MTSS2: variants seen among roughly 807,000 people sequenced by gnomAD.
MTSS2 encodes the protein MTSS I-BAR domain containing 2.
A neutral mutation model predicts 67.1 loss-of-function variants in MTSS2; 27 were observed. That is an observed-to-expected ratio of 0.40 (90% confidence interval 0.30 to 0.55). The LOEUF (loss-of-function observed/expected upper bound fraction) is 0.55. Ranked by LOEUF, MTSS2 falls within the 20% of genes least tolerant of loss-of-function variation. The pLI, the probability that MTSS2 is intolerant of heterozygous loss-of-function variation, is 0.43. For synonymous variants in MTSS2, 624 were observed against 468.6 expected, an observed-to-expected ratio of 1.33 and a Z score of -4.28; for missense variants, 1,171 against 1,067.8, an observed-to-expected ratio of 1.10 and a Z score of -1.35.
At chr16:70,668,528 C>T (rs886645770) in intron 11 of MTSS2, among the ~76,000 whole-genome samples, 6 of 152,120 alleles carry the variant, frequency 3.9e-5, no homozygotes, top group Non-Finnish European at 7.3e-5. Context: ...AATAGCCACA[C>T]ACCTACAGAC....
chr16:70,679,566 CG>C, intron 6 of MTSS2, 63 bp downstream of exon 6: 1 of 1,495,880 alleles, frequency 6.7e-7, no homozygotes. Context: ...GGGCGCCCCA[CG>C]GGGCGGTGGG....
At chr16:70,677,147 G>T (rs2053144031) in intron 9 of MTSS2, among the ~76,000 whole-genome samples, 169 bp from the exon 10 acceptor site, 1 of 152,126 alleles carries the variant, frequency 6.6e-6, no homozygotes, top group Non-Finnish European at 1.5e-5. Flanking sequence ...AGACACCAGA[G>T]GACACAGCCT....
intron 1 of MTSS2, among the ~76,000 whole-genome samples, chr16:70,683,836 G>C (rs58887293): frequency 0.05 from 7,636 of 152,294 alleles, 411 homozygotes; most frequent in African/African-American, 0.14. Flanking sequence ...AGCTGCCCCC[G>C]CAAATCCAGG....
At position 70,685,808 on chromosome 16, in the gene MTSS2, G is replaced by A. The variant is rs1215635248; in HGVS notation, c.-17C>T. On this transcript the variant is annotated 5_prime_UTR_variant, in exon 1 of 15. Coordinates refer to ENST00000338779, the MANE Select transcript of MTSS2 (RefSeq NM_138383.3). ...CGTCTCCATGCTCTGGCTGGGCCGGGCCGCGGCGGCGGCTAGGCGCACGGA... is the reference window on the plus strand; with the variant it reads ...CGTCTCCATGCTCTGGCTGGGCCGGACCGCGGCGGCGGCTAGGCGCACGGA... 3.1e-6 allele frequency: 4 copies of A among 1,294,322 alleles called. No individual in the cohort carries two copies. Among genetic ancestry groups the A allele is most frequent in the Admixed American group, 2.5e-5 (1 of 39,704 alleles). 80.2% of individuals were successfully genotyped at this position (1,294,322 alleles called of 1,614,324 possible).
chr16:70,677,010 G>A (rs2053138081), intron 9 of MTSS2, 32 bp from the exon 10 acceptor site: 2 of 1,574,148 alleles, frequency 1.3e-6, no homozygotes, highest in African/African-American at 1.4e-5. Flanking sequence ...GGTCACTGGA[G>A]GCAGCTCCTC....
chr16:70,679,527 G>A, intron 6 of MTSS2, 103 bp downstream of exon 6: 1 of 1,337,968 alleles, frequency 7.5e-7, no homozygotes, highest in Admixed American at 2.4e-5. Flanking sequence ...GTCGGGGACA[G>A]CGCCCCTCTG....
At chr16:70,685,632 G>A (rs1237550626) in intron 1 of MTSS2, 91 bp downstream of exon 1, 3 of 726,106 alleles carry the variant, frequency 4.1e-6, no homozygotes, top group African/African-American at 1.9e-5. Context: ...CGCGGCGCGC[G>A]GCCACACGAG....
chr16:70,667,822 G>C (rs758351649), intron 11 of MTSS2, among the ~76,000 whole-genome samples: 1 of 151,982 alleles, frequency 6.6e-6, no homozygotes, highest in Non-Finnish European at 1.5e-5. Flanking sequence ...GCAATGAGCT[G>C]AGATCGCGCC....
chr16:70,680,045 C>A lies in MTSS2; in HGVS notation c.216G>T (p.Arg72Ser). Residue 72 changes from arginine to serine, a missense_variant, in exon 4 of 15, where the codon AGG (arginine) becomes AGT (serine). Physicochemically the swap from Arg to Ser is moderately radical, Grantham distance 110. Transcript: ENST00000338779. ...TGCGTGTGAGCGCCGAGCCGATGTC[C>A]CTCGTGGCCCCTGGCGAGGCAAGCG... is the stretch of plus-strand genomic sequence containing the variant. ...DMATNTRGAT[R>S]DIGSALTRMC... The A allele has an allele frequency of 6.5e-7, 1 of 1,527,238 alleles. No homozygotes were observed. Among genetic ancestry groups the A allele is most frequent in the Non-Finnish European group, 8.7e-7 (1 of 1,145,538 alleles). 94.6% of individuals were successfully genotyped at this position (1,527,238 alleles called of 1,614,324 possible).
At chr16:70,681,360 C>T (rs1210783813) in intron 1 of MTSS2, among the ~76,000 whole-genome samples, 2 of 152,226 alleles carry the variant, frequency 1.3e-5, no homozygotes, top group African/African-American at 4.8e-5. Context: ...CGGGGTTTCC[C>T]AGGGGCCTGG....
At position 70,665,050 on chromosome 16, in the gene MTSS2, A is replaced by G; in HGVS notation, c.1175T>C (p.Leu392Pro). The G allele has an allele frequency of 6.3e-7, 1 of 1,597,864 alleles. No homozygotes were observed. Among genetic ancestry groups the G allele is most frequent in the Non-Finnish European group, 8.5e-7 (1 of 1,179,720 alleles). Reference sequence around the variant, plus strand: ...CTCCACTCGGTCCTTCCTCCGCTGCAGAGTGGCGCCTGAGGGCTGCTCATG... The same window carrying G: ...CTCCACTCGGTCCTTCCTCCGCTGCGGAGTGGCGCCTGAGGGCTGCTCATG... The part of the protein sequence containing the change: ...GSHEQPSGAT[L>P]QRRKDRVELL... Residue 392 changes from leucine to proline, a missense_variant, in exon 13 of 15, where the codon CTG becomes CCG. This residue lies in a region of MTSS2 where 924 missense variants were observed against 756.0 expected (regional missense o/e 1.22). Transcript: ENST00000338779.
chr16:70,663,543 T>C lies in MTSS2; in HGVS notation c.*134A>G. 2.1e-6 allele frequency: 3 copies of C among 1,402,290 alleles called. No homozygotes were observed. The highest frequency in any genetic ancestry group is 2.8e-6 in the Non-Finnish European group (3 of 1,072,850). 86.9% of individuals were successfully genotyped at this position (1,402,290 alleles called of 1,614,324 possible). On this transcript the variant is annotated 3_prime_UTR_variant, in exon 15 of 15. Coordinates refer to ENST00000338779, the MANE Select transcript of MTSS2 (RefSeq NM_138383.3). The stretch of plus-strand genomic sequence containing the variant: ...ATGCTGGAATCCAAGTGAGGTGTCT[T>C]TCCATAAAGTGGCATGGCCTCTGCC...
At chr16:70,669,661 CA>C (rs2052852937) in intron 11 of MTSS2, among the ~76,000 whole-genome samples, 1 of 151,870 alleles carries the variant, frequency 6.6e-6, no homozygotes, top group Non-Finnish European at 1.5e-5. Flanking sequence ...ACTAAAAATA[CA>C]AAAATTAGCC....
At position 70,661,358 on chromosome 16, in the gene MTSS2, T is replaced by A; in HGVS notation, c.*2319A>T. On this transcript the variant is annotated 3_prime_UTR_variant, in exon 15 of 15. Coordinates refer to ENST00000338779, the MANE Select transcript of MTSS2 (RefSeq NM_138383.3). ...ATCTGACGGAAAGAAAAGAAACAAATGGTTCAGATGGGACGGAGGGTGGGG... is the reference window on the plus strand; with the variant it reads ...ATCTGACGGAAAGAAAAGAAACAAAAGGTTCAGATGGGACGGAGGGTGGGG... 1 of 372,248 alleles carries A rather than the reference T, an allele frequency of 2.7e-6. No homozygotes were observed. Among genetic ancestry groups the A allele is most frequent in the Non-Finnish European group, 5.1e-6 (1 of 197,722 alleles). 23.1% of individuals were successfully genotyped at this position (372,248 alleles called of 1,614,324 possible). A position where few individuals can be genotyped will look rare whatever the true frequency, so the allele number is the denominator to read the frequency against.
At chr16:70,671,082 C>T (rs2052919813) in intron 11 of MTSS2, among the ~76,000 whole-genome samples, 1 of 150,894 alleles carries the variant, frequency 6.6e-6, no homozygotes, top group African/African-American at 2.4e-5. Flanking sequence ...GGTTATCCTG[C>T]TTACGTTCTT....
chr16:70,675,606 C>T (rs1002490891), intron 10 of MTSS2, among the ~76,000 whole-genome samples: 3 of 152,138 alleles, frequency 2.0e-5, no homozygotes, highest in African/African-American at 7.2e-5. Flanking sequence ...TTAGTAAAGA[C>T]GGGGTTTCAC....
chr16:70,674,082 G>A (rs1454171520), intron 11 of MTSS2, among the ~76,000 whole-genome samples: 1 of 152,210 alleles, frequency 6.6e-6, no homozygotes. Flanking sequence ...GCATTATGCT[G>A]CTTACAAGAG....
Position 70,679,594 on chromosome 16 carries a change from G to T in MTSS2, c.457+36C>A, listed in dbSNP as rs757099192. The T allele has an allele frequency of 2.2e-5, 34 of 1,565,434 alleles. 1 individual carries two copies. The highest frequency in any genetic ancestry group is 2.7e-5 in the Non-Finnish European group (31 of 1,154,160). ...GGCGGTGGGGCTGTGGAGCGGGGCC[G>T]TGGGGCTGTGGCTGGGGGGCCGCGC... On this transcript the variant is annotated intron_variant, in intron 6 of 14. Transcript: ENST00000338779.
In MTSS2 at chr16:70,677,029, T is replaced by C. The variant is rs1323145185; in HGVS notation, c.733-51A>G. The C allele has an allele frequency of 4.1e-6, 6 of 1,449,234 alleles. No individual in the cohort carries two copies. The African/African-American group carries it at 4.3e-5, about 10-fold the overall frequency. 89.8% of individuals were successfully genotyped at this position (1,449,234 alleles called of 1,614,324 possible). ...ACTGGAGGCAGCTCCTCAGAGCTAGTAGGGCCAGAGGCCCCCCCCCACTCT... is the reference window on the plus strand; with the variant it reads ...ACTGGAGGCAGCTCCTCAGAGCTAGCAGGGCCAGAGGCCCCCCCCCACTCT... On this transcript the variant is annotated intron_variant, in intron 9 of 14. Coordinates refer to ENST00000338779, the MANE Select transcript of MTSS2 (RefSeq NM_138383.3).
Sources: gnomAD v4.1 joint callset for allele counts (sites outside exome capture counted in the v4.1 genomes callset) on GRCh38, gnomAD v4.1.1 for gene constraint, gnomAD v4.1.1 regional missense constraint, MANE v1.5 for transcripts, NCBI Gene and HGNC (gene_info 2026-07-23, HGNC 2026-07-21) for gene names.